The following GON4L variants were observed in gnomAD, a reference collection of about 807,000 sequenced individuals.
GON4L encodes GON-4-like protein.
A neutral mutation model predicts 211.8 loss-of-function variants in GON4L; 87 were observed. That is an observed-to-expected ratio of 0.41 (90% CI 0.35 to 0.49). GON4L has a LOEUF of 0.49. GON4L is among the 20% of genes least tolerant of loss of function. The probability of loss-of-function intolerance (pLI) is 0.15; values close to 1 mark genes in which losing one functional copy is unlikely to be tolerated. For synonymous variants in GON4L, 875 were observed against 962.6 expected, an observed-to-expected ratio of 0.91 and a Z score of 1.68; for missense variants, 2,155 against 2,659.5, an observed-to-expected ratio of 0.81 and a Z score of 4.17.
chr1:155,814,502 A>G, intron 8 of GON4L, 53 bp from the exon 9 acceptor site: 1 of 1,573,222 alleles, frequency 6.4e-7, no homozygotes, highest in Non-Finnish European at 8.7e-7. Flanking sequence ...CTCATTCCAC[A>G]AAGTCTGAAG....
At chr1:155,772,781 C>T (rs909798237) in intron 18 of GON4L, among the ~76,000 whole-genome samples, 5 of 151,770 alleles carry the variant, frequency 3.3e-5, no homozygotes, top group African/African-American at 9.7e-5. Context: ...AAAATAAAAG[C>T]GAACCTCCTG....
At chr1:155,771,879 T>C (rs941193954) in intron 18 of GON4L, among the ~76,000 whole-genome samples, 2 of 152,110 alleles carry the variant, frequency 1.3e-5, no homozygotes, top group African/African-American at 4.8e-5. Context: ...TGAATAAGAA[T>C]AAGGCCAGGC....
chr1:155,791,588 G>A (rs1167953462), intron 12 of GON4L, among the ~76,000 whole-genome samples: 8 of 151,062 alleles, frequency 5.3e-5, no homozygotes, highest in Non-Finnish European at 7.4e-5. Context: ...ATAGGAGGCC[G>A]GGCACAGTGC....
At chr1:155,779,976 T>A (rs1207495164) in intron 14 of GON4L, among the ~76,000 whole-genome samples, 1 of 151,898 alleles carries the variant, frequency 6.6e-6, no homozygotes, top group Non-Finnish European at 1.5e-5. Flanking sequence ...TTTTGTATTT[T>A]TTTGTAGAGA....
At chr1:155,771,270 G>A (rs773388792) in intron 18 of GON4L, 53 bp from the exon 19 acceptor site, 9 of 1,608,236 alleles carry the variant, frequency 5.6e-6, no homozygotes, top group Non-Finnish European at 7.7e-6. Flanking sequence ...CCTTCTAAAG[G>A]GTCTCCCCAG....
intron 3 of GON4L, among the ~76,000 whole-genome samples, chr1:155,824,504 G>A (rs1165457466): frequency 1.4e-5 from 2 of 144,402 alleles, no homozygotes; most frequent in African/African-American, 5.1e-5. Flanking sequence ...CAGCACTTTG[G>A]GAGGCTGAGG....
In GON4L at chr1:155,752,087, C is replaced by A; in HGVS notation, c.6346G>T (p.Ala2116Ser). 4 of 1,613,764 alleles carry A rather than the reference C, an allele frequency of 2.5e-6. No homozygotes were observed. Among genetic ancestry groups the A allele is most frequent in the Non-Finnish European group, 3.4e-6 (4 of 1,179,712 alleles). Residue 2116 changes from alanine (A) to serine (S), a missense_variant, in exon 30 of 32, where the codon GCT (alanine) becomes TCT (serine). Physicochemically the swap from Ala to Ser is moderately conservative, Grantham distance 99 (BLOSUM62 1). Transcript: ENST00000368331. ...TSPKAPRGGLAKDSGTQAKGP... is the reference protein window; with the variant it reads ...TSPKAPRGGLSKDSGTQAKGP... Reference sequence around the variant, plus strand: ...TTGGCCTGTGTTCCACTGTCTTTAGCCAAACCCCCTCTAGGGGCTTTGGGA... The same window carrying A: ...TTGGCCTGTGTTCCACTGTCTTTAGACAAACCCCCTCTAGGGGCTTTGGGA...
At chr1:155,829,755 C>T (rs529770748) in intron 2 of GON4L, among the ~76,000 whole-genome samples, 2 of 152,256 alleles carry the variant, frequency 1.3e-5, no homozygotes, top group Non-Finnish European at 2.9e-5. Flanking sequence ...CTCAGCTTCT[C>T]TTTCTGAGGT....
intron 1 of GON4L, among the ~76,000 whole-genome samples, chr1:155,856,821 C>T (rs1264782277): frequency 2.0e-5 from 3 of 148,250 alleles, no homozygotes; most frequent in Non-Finnish European, 2.9e-5. Flanking sequence ...CAGCTCCAGG[C>T]ACCTCAAACA....
At position 155,850,924 on chromosome 1, in the gene GON4L, G is replaced by C. The variant is rs144570181; in HGVS notation, c.505+2352C>G. ...AAAAAAAAATTAGCTGAGCGTGGCA[G>C]CGTGTGCCTGTAGTCCTAGCTACTT... On this transcript the variant is annotated intron_variant, in intron 2 of 31. Transcript: ENST00000368331. Among the ~76,000 whole-genome samples, 588 of 151,616 alleles carry C rather than the reference G, an allele frequency of 3.9e-3. 6 individuals carry two copies. Among genetic ancestry groups the C allele is most frequent in the African/African-American group, 0.014 (561 of 41,308 alleles).
chr1:155,810,004 A>ACG (rs1667586048), intron 10 of GON4L, among the ~76,000 whole-genome samples: 1 of 135,608 alleles, frequency 7.4e-6, no homozygotes, highest in African/African-American at 2.8e-5. Flanking sequence ...ATATATATAT[A>ACG]TATATTTTTG....
chr1:155,820,479 T>C (rs1668633646), intron 6 of GON4L, 127 bp downstream of exon 6: 1 of 700,150 alleles, frequency 1.4e-6, no homozygotes, highest in Non-Finnish European at 2.6e-6. Flanking sequence ...TTCTACTGTC[T>C]TTTATAAATA....
intron 19 of GON4L, among the ~76,000 whole-genome samples, chr1:155,769,885 C>T (rs1264074487): frequency 6.6e-6 from 1 of 151,824 alleles, no homozygotes; most frequent in Non-Finnish European, 1.5e-5. Context: ...CCTCAGCTTC[C>T]TTGGCTTATG....
intron 2 of GON4L, among the ~76,000 whole-genome samples, chr1:155,849,667 G>A (rs899059168): frequency 6.6e-6 from 1 of 150,582 alleles, no homozygotes; most frequent in Non-Finnish European, 1.5e-5. Flanking sequence ...CCAGCTACTC[G>A]GGAGGCTACG....
chr1:155,757,395 C>A, intron 25 of GON4L, 72 bp from the exon 26 acceptor site: 1 of 1,320,236 alleles, frequency 7.6e-7, no homozygotes. Context: ...ATCAATCCCA[C>A]ATACTTCCAT....
intron 27 of GON4L, 36 bp from the exon 28 acceptor site, chr1:155,754,524 G>GTTTTTTTTTT: frequency 2.1e-6 from 1 of 475,412 alleles, no homozygotes; most frequent in Non-Finnish European, 3.5e-6. Flanking sequence ...CTGCCAAGTT[G>GTTTTTTTTTT]TTTTTTTTTT....
Position 155,754,405 on chromosome 1 carries a change from T to G in GON4L, c.5601A>C (p.Lys1867Asn), listed in dbSNP as rs1660936461. 2 of 1,612,792 alleles carry G rather than the reference T, an allele frequency of 1.2e-6. No individual in the cohort carries two copies. The highest frequency in any genetic ancestry group is 2.2e-5 in the South Asian group (2 of 91,076). ...TGCTACAGTGGCTACAGCTCCGCCT[T>G]TTGCTCTTCTTCAGCTTGGAATCTG... ...GGPDSKLKKS[K>N]RRSCSHCSSK... Residue 1867 changes from lysine to asparagine, a missense_variant, in exon 28 of 32, where the codon AAA (lysine) becomes AAC (asparagine). This residue lies in a region of GON4L where 455 missense variants were observed against 504.6 expected (regional missense o/e 0.90). Transcript: ENST00000368331.
chr1:155,853,187 C>T, intron 2 of GON4L, 89 bp downstream of exon 2: 1 of 1,119,272 alleles, frequency 8.9e-7, no homozygotes, highest in Admixed American at 1.7e-5. Context: ...TATCCCCTTT[C>T]AGAAATACTA....
chr1:155,787,794 A>T (rs114594578), intron 12 of GON4L, among the ~76,000 whole-genome samples: 2,391 of 151,826 alleles, frequency 0.016, 56 homozygotes, highest in African/African-American at 0.055. Context: ...AAATAAATAA[A>T]TTAGCCAGTC....
Sources: gnomAD v4.1 joint callset for allele counts (sites outside exome capture counted in the v4.1 genomes callset) on GRCh38, gnomAD v4.1.1 for gene constraint, gnomAD v4.1.1 regional missense constraint, MANE v1.5 for transcripts, NCBI Gene and HGNC (gene_info 2026-07-23, HGNC 2026-07-21) for gene names.